The following DNM3 variants were observed in gnomAD, a reference collection of about 807,000 sequenced individuals.
DNM3 encodes dynamin 3.
DNM3 carries 47 observed loss-of-function variants against 101.6 expected under a neutral mutation model. The ratio of observed to expected loss-of-function variants is 0.46; its 90% CI spans 0.37 to 0.59. The LOEUF is 0.59. Ranked by LOEUF, DNM3 falls within the 20% of genes least tolerant of loss-of-function variation. The pLI is 0.00. For missense variants in DNM3, 849 were observed against 1,085.7 expected, an observed-to-expected ratio of 0.78 and a Z score of 3.06; for synonymous variants, 385 against 387.9, an observed-to-expected ratio of 0.99 and a Z score of 0.09.
At chr1:171,842,688 G>T (rs2031457479) in intron 1 of DNM3, among the ~76,000 whole-genome samples, 2 of 152,128 alleles carry the variant, frequency 1.3e-5, no homozygotes, top group Admixed American at 6.5e-5. Flanking sequence ...TATTTGTCTT[G>T]CTAGCCTTCA....
At chr1:172,292,001 T>TAAAC (rs1016640137) in intron 15 of DNM3, among the ~76,000 whole-genome samples, 2 of 152,298 alleles carry the variant, frequency 1.3e-5, no homozygotes, top group African/African-American at 4.8e-5. Flanking sequence ...ATAATAATGC[T>TAAAC]AAACAAAATT....
intron 17 of DNM3, among the ~76,000 whole-genome samples, chr1:172,372,824 C>T (rs113238434): frequency 8.6e-5 from 13 of 151,446 alleles, no homozygotes; most frequent in African/African-American, 2.2e-4. Flanking sequence ...TCTGGAACTA[C>T]GGGCATGCAC....
intron 11 of DNM3, among the ~76,000 whole-genome samples, chr1:172,071,781 T>TGG (rs139478023): frequency 0.061 from 9,327 of 152,214 alleles, 523 homozygotes; most frequent in East Asian, 0.17. Context: ...GTGGACTTTC[T>TGG]GGGCAACTAC....
intron 14 of DNM3, among the ~76,000 whole-genome samples, chr1:172,161,517 G>C (rs2058543812): frequency 6.6e-6 from 1 of 151,936 alleles, no homozygotes. Context: ...CTTCCCCTTT[G>C]CTTGACATTG....
intron 14 of DNM3, among the ~76,000 whole-genome samples, chr1:172,225,576 T>C (rs1278782177): frequency 1.3e-5 from 1 of 75,638 alleles, no homozygotes; most frequent in South Asian, 5.9e-4. Flanking sequence ...AAATGACCAT[T>C]TTTTTTTTGC....
At chr1:172,348,238 A>G (rs1452386066) in intron 17 of DNM3, among the ~76,000 whole-genome samples, 1 of 152,188 alleles carries the variant, frequency 6.6e-6, no homozygotes, top group Admixed American at 6.5e-5. Context: ...GAGGAGAGAG[A>G]GAGGTTGAGA....
At chr1:171,997,529 G>A (rs903905891) in intron 4 of DNM3, among the ~76,000 whole-genome samples, 1 of 152,098 alleles carries the variant, frequency 6.6e-6, no homozygotes, top group Non-Finnish European at 1.5e-5. Context: ...TTTCTCAAAG[G>A]AGCACTTCCT....
At chr1:171,918,593 G>A (rs1038464440) in intron 1 of DNM3, among the ~76,000 whole-genome samples, 1 of 152,194 alleles carries the variant, frequency 6.6e-6, no homozygotes, top group Admixed American at 6.5e-5. Flanking sequence ...CTTCGAAATA[G>A]TAAAATTTGA....
intron 13 of DNM3, among the ~76,000 whole-genome samples, chr1:172,103,176 A>C (rs557752566): frequency 2.0e-4 from 30 of 152,244 alleles, no homozygotes; most frequent in African/African-American, 6.5e-4. Flanking sequence ...ATATATACAC[A>C]TATATACACA....
At chr1:172,386,259 T>TA (rs2069173689) in intron 18 of DNM3, among the ~76,000 whole-genome samples, 1 of 152,208 alleles carries the variant, frequency 6.6e-6, no homozygotes. Context: ...GATGGTATTT[T>TA]TTTTTTGTCT....
In DNM3 at chr1:172,270,089, TAA is replaced by T. The variant is rs1194922518; in HGVS notation, c.1769+16411_1769+16412del. On this transcript the variant is annotated intron_variant, in intron 15 of 20. Coordinates refer to ENST00000627582, the MANE Select transcript of DNM3 (RefSeq NM_015569.5). ...CTTACGTCAAATAGTAGAATAAACA[TAA>T]AAAGTCCAAAGAGGATTATTCTTCA... Among the ~76,000 whole-genome samples the T allele has an allele frequency of 1.2e-4, 18 of 152,238 alleles. No homozygotes were observed. The East Asian group carries it at 3.3e-3, about 28-fold the overall frequency.
At chr1:172,083,489 A>G (rs531335775) in intron 12 of DNM3, among the ~76,000 whole-genome samples, 13 of 152,302 alleles carry the variant, frequency 8.5e-5, no homozygotes, top group Non-Finnish European at 1.5e-4. Flanking sequence ...ATGGATTACA[A>G]ATGCCAGTTA....
intron 13 of DNM3, among the ~76,000 whole-genome samples, chr1:172,098,890 A>T (rs1434037282): frequency 6.6e-6 from 1 of 152,292 alleles, no homozygotes; most frequent in South Asian, 2.1e-4. Context: ...AGCTCAAGGA[A>T]CTTGGAGGAA....
intron 4 of DNM3, among the ~76,000 whole-genome samples, chr1:172,018,714 A>G (rs1448715784): frequency 6.6e-6 from 1 of 152,226 alleles, no homozygotes; most frequent in African/African-American, 2.4e-5. Context: ...GAATAGGAAT[A>G]AAATACATTG....
chr1:172,184,830 C>T (rs1471503759), intron 14 of DNM3, among the ~76,000 whole-genome samples: 1 of 152,078 alleles, frequency 6.6e-6, no homozygotes, highest in African/African-American at 2.4e-5. Flanking sequence ...TCCTGTCACC[C>T]TCTTAAGGGA....
chr1:171,999,272 A>G (rs76781156), intron 4 of DNM3, among the ~76,000 whole-genome samples: 2,875 of 152,236 alleles, frequency 0.019, 55 homozygotes, highest in African/African-American at 0.051. Context: ...CTGTGAAAGT[A>G]GAGCTGATAG....
intron 2 of DNM3, among the ~76,000 whole-genome samples, chr1:171,943,172 G>T (rs2041932723): frequency 6.6e-6 from 1 of 151,902 alleles, no homozygotes; most frequent in Non-Finnish European, 1.5e-5. Context: ...AAGCCCTAAG[G>T]TGGACACATG....
At chr1:172,136,481 A>T (rs900373756) in intron 14 of DNM3, 1 of 152,176 alleles carries the variant, frequency 6.6e-6, no homozygotes, top group Non-Finnish European at 1.5e-5. Context: ...TAAGTTATTT[A>T]GTTAGCCAAA....
At chr1:172,319,635 T>C (rs1360180649) in intron 16 of DNM3, among the ~76,000 whole-genome samples, 1 of 152,208 alleles carries the variant, frequency 6.6e-6, no homozygotes, top group African/African-American at 2.4e-5. Flanking sequence ...GAAAAAATGC[T>C]CATCATCACT....
Sources: allele counts gnomAD v4.1 joint callset (sites outside exome capture counted in the v4.1 genomes callset), GRCh38; gene constraint gnomAD v4.1.1; transcripts MANE v1.5; gene names NCBI Gene and HGNC (gene_info 2026-07-23, HGNC 2026-07-21).